PTPRM: variants seen among roughly 807,000 people sequenced by gnomAD.
PTPRM encodes the protein receptor-type tyrosine-protein phosphatase mu.
Under a neutral mutation model 186.7 loss-of-function variants are expected in PTPRM, and 47 were observed. The ratio of observed to expected loss-of-function variants is 0.25; its 90% CI spans 0.20 to 0.32. The LOEUF is 0.32. Ranked by LOEUF, PTPRM falls within the 10% of genes least tolerant of loss-of-function variation. The pLI is 1.00. For missense variants in PTPRM, 1,494 were observed against 1,865.0 expected, an observed-to-expected ratio of 0.80 and a Z score of 3.66; for synonymous variants, 668 against 674.9, an observed-to-expected ratio of 0.99 and a Z score of 0.16.
chr18:8,226,659 CTGTT>C (rs747831449), intron 14 of PTPRM, among the ~76,000 whole-genome samples: 13 of 152,184 alleles, frequency 8.5e-5, no homozygotes, highest in Non-Finnish European at 1.2e-4. Flanking sequence ...ATTCTGAACA[CTGTT>C]TGATTATATG....
At position 8,387,217 on chromosome 18, in the gene PTPRM, G is replaced by A. The variant is rs763817831; in HGVS notation, c.4190G>A (p.Arg1397His). 8 of 1,613,830 alleles carry A rather than the reference G, an allele frequency of 5.0e-6. No homozygotes were observed. Among genetic ancestry groups the A allele is most frequent in the Non-Finnish European group, 5.9e-6 (7 of 1,179,844 alleles). Residue 1397 changes from arginine (R) to histidine (H), a missense_variant, in exon 31 of 33, where the codon CGC (arginine) becomes CAC (histidine). Physicochemically the swap from Arg to His is conservative, Grantham distance 29 (BLOSUM62 0). This residue lies in a region of PTPRM where 1,107 missense variants were observed against 1,350.2 expected (regional missense o/e 0.82). Transcript: ENST00000580170. ...GAGGAGTACAATGGCGGGGAAGGCC[G>A]CACGGTTGTGCACTGCTTGTAAGTG... ...WQEEYNGGEG[R>H]TVVHCLNGGG... is the part of the protein sequence containing the mutation.
chr18:8,209,758 G>A (rs573031831), intron 14 of PTPRM, among the ~76,000 whole-genome samples: 1 of 152,128 alleles, frequency 6.6e-6, no homozygotes, highest in South Asian at 2.1e-4. Flanking sequence ...TCACTCATAA[G>A]TGGGAGTCGA....
intron 14 of PTPRM, among the ~76,000 whole-genome samples, chr18:8,221,745 C>T (rs1381082955): frequency 6.6e-6 from 1 of 152,196 alleles, no homozygotes; most frequent in Non-Finnish European, 1.5e-5. Flanking sequence ...GATACTAAAT[C>T]AAGTTTAGCC....
chr18:7,639,111 G>A (rs760548876), intron 1 of PTPRM, among the ~76,000 whole-genome samples: 7 of 152,050 alleles, frequency 4.6e-5, no homozygotes, highest in Non-Finnish European at 1.0e-4. Context: ...TAATTGCTCT[G>A]TTGCCCAGGC....
chr18:8,106,691 T>C (rs1357151747), intron 11 of PTPRM, among the ~76,000 whole-genome samples: 1 of 152,218 alleles, frequency 6.6e-6, no homozygotes, highest in Non-Finnish European at 1.5e-5. Flanking sequence ...AAAGAAAGGA[T>C]GGAGGAAACA....
chr18:8,380,684 G>A (rs2095728091), intron 29 of PTPRM, among the ~76,000 whole-genome samples: 1 of 152,218 alleles, frequency 6.6e-6, no homozygotes. Context: ...CAGAAGTTGA[G>A]CTGTTCCTAA....
At chr18:8,146,952 A>G (rs529881453) in intron 14 of PTPRM, among the ~76,000 whole-genome samples, 4 of 152,238 alleles carry the variant, frequency 2.6e-5, no homozygotes, top group African/African-American at 9.6e-5. Context: ...CAAAGATCAG[A>G]TGGTTCTAGA....
At chr18:8,073,552 T>C (rs991682550) in intron 8 of PTPRM, among the ~76,000 whole-genome samples, 1 of 152,252 alleles carries the variant, frequency 6.6e-6, no homozygotes, top group Non-Finnish European at 1.5e-5. Flanking sequence ...TATAAATTTC[T>C]TCAACATAGG....
Position 7,567,510 on chromosome 18 carries a change from G to A in PTPRM, c.-309G>A. The A allele has an allele frequency of 3.7e-6, 1 of 270,462 alleles. No individual in the cohort carries two copies. The highest frequency in any genetic ancestry group is 6.9e-6 in the Non-Finnish European group (1 of 145,876). 16.8% of individuals were successfully genotyped at this position (270,462 alleles called of 1,614,324 possible). On this transcript the variant is annotated 5_prime_UTR_variant, in exon 1 of 33. Coordinates refer to ENST00000580170, the MANE Select transcript of PTPRM (RefSeq NM_001105244.2). The surrounding 1 kb of genome is among the most constrained non-coding windows in gnomAD (Gnocchi z 4.3). ...TCCCGGGCAGGGGAAGGGGAGAGGC[G>A]GCGAGCTCAGCAACCGGAACCGAGG...
At chr18:7,889,781 T>C (rs1022657047) in intron 3 of PTPRM, among the ~76,000 whole-genome samples, 1 of 152,052 alleles carries the variant, frequency 6.6e-6, no homozygotes, top group African/African-American at 2.4e-5. Flanking sequence ...GAGGGGCAGG[T>C]CCCTGCTTCT....
rs140033443 is a variant in PTPRM at position 8,096,425 on chromosome 18, C to G, written c.1856+7574C>G. 2.0e-3 allele frequency among the ~76,000 whole-genome samples: 312 copies of G among 152,340 alleles called. 4 individuals are homozygous for G. Among genetic ancestry groups the G allele is most frequent in the African/African-American group, 7.2e-3 (298 of 41,584 alleles). On this transcript the variant is annotated intron_variant, in intron 11 of 32. Transcript: ENST00000580170. Reference sequence around the variant, plus strand: ...GAGCCAGGTTGTGTTATGCGTTCCCCTCTTATTGACCAGCTGCACAGAAGC... The same window carrying G: ...GAGCCAGGTTGTGTTATGCGTTCCCGTCTTATTGACCAGCTGCACAGAAGC...
At chr18:7,715,718 C>T (rs2040313777) in intron 1 of PTPRM, among the ~76,000 whole-genome samples, 1 of 152,088 alleles carries the variant, frequency 6.6e-6, no homozygotes, top group Non-Finnish European at 1.5e-5. Flanking sequence ...CAATAATAGA[C>T]CAACAGAGAG....
chr18:8,378,172 C>T lies in PTPRM; in HGVS notation c.3463-93C>T, dbSNP rs1297710477. The T allele has an allele frequency of 5.3e-6, 7 of 1,308,890 alleles. No homozygotes were observed. The South Asian group carries it at 8.3e-5, about 15-fold the overall frequency. 81.1% of individuals were successfully genotyped at this position (1,308,890 alleles called of 1,614,324 possible). A position where few individuals can be genotyped will look rare whatever the true frequency, so the allele number is the denominator to read the frequency against. On this transcript the variant is annotated intron_variant, in intron 26 of 32. Coordinates refer to ENST00000580170, the MANE Select transcript of PTPRM (RefSeq NM_001105244.2). ...TGTTTCTCTCTGGAGGAACTGTCTCCACTCTCTTGATGATGTGGGGCTAAA... is the reference window on the plus strand; with the variant it reads ...TGTTTCTCTCTGGAGGAACTGTCTCTACTCTCTTGATGATGTGGGGCTAAA...
At chr18:8,397,300 A>T (rs920228695) in intron 32 of PTPRM, among the ~76,000 whole-genome samples, 6 of 152,218 alleles carry the variant, frequency 3.9e-5, no homozygotes, top group Non-Finnish European at 8.8e-5. Context: ...GGGTGAGCAC[A>T]CAGAGGGACG....
intron 3 of PTPRM, among the ~76,000 whole-genome samples, chr18:7,894,593 AT>A (rs1318819142): frequency 3.3e-5 from 5 of 150,020 alleles, no homozygotes; most frequent in East Asian, 1.9e-4. Context: ...CTCAGGAAAA[AT>A]ATATATATAT....
chr18:7,640,836 C>CT (rs968805069), intron 1 of PTPRM, among the ~76,000 whole-genome samples: 3 of 152,086 alleles, frequency 2.0e-5, no homozygotes, highest in Non-Finnish European at 4.4e-5. Flanking sequence ...AGTAGATTGT[C>CT]TACTTAGTTT....
At chr18:8,296,747 C>T (rs1223516456) in intron 20 of PTPRM, among the ~76,000 whole-genome samples, 1 of 152,130 alleles carries the variant, frequency 6.6e-6, no homozygotes, top group East Asian at 1.9e-4. Flanking sequence ...ACATTATAGT[C>T]CTAATGGTTC....
chr18:7,860,862 C>G (rs1295430142), intron 2 of PTPRM, among the ~76,000 whole-genome samples: 1 of 152,162 alleles, frequency 6.6e-6, no homozygotes, highest in African/African-American at 2.4e-5. Context: ...TGTAGACCAT[C>G]CCTTGCTTTC....
chr18:7,721,586 A>C (rs1188772427), intron 1 of PTPRM, among the ~76,000 whole-genome samples: 1 of 152,134 alleles, frequency 6.6e-6, no homozygotes, highest in East Asian at 1.9e-4. Context: ...CACCTCTTTC[A>C]TTTGGGTCTT....
Sources: allele counts gnomAD v4.1 joint callset (sites outside exome capture counted in the v4.1 genomes callset), GRCh38; gene constraint gnomAD v4.1.1; regional missense constraint gnomAD v4.1.1; non-coding constraint Gnocchi (gnomAD v3.1); transcripts MANE v1.5; gene names NCBI Gene and HGNC (gene_info 2026-07-23, HGNC 2026-07-21).